The following SDCCAG8 variants were observed in gnomAD, a reference collection of about 807,000 sequenced individuals.
SDCCAG8 encodes serologically defined colon cancer antigen 8.
A neutral mutation model predicts 101.8 loss-of-function variants in SDCCAG8; 74 were observed. The observed-to-expected ratio is 0.73, with a 90% CI of 0.60 to 0.88. The LOEUF is 0.88. Ranked by LOEUF, SDCCAG8 falls within the 40% of genes least tolerant of loss-of-function variation. The pLI, the probability that SDCCAG8 is intolerant of heterozygous loss-of-function variation, is 0.00. For missense variants in SDCCAG8, 787 were observed against 822.6 expected, an observed-to-expected ratio of 0.96 and a Z score of 0.53; for synonymous variants, 281 against 292.9, an observed-to-expected ratio of 0.96 and a Z score of 0.41.
intron 9 of SDCCAG8, among the ~76,000 whole-genome samples, chr1:243,317,402 C>A (rs2073355387): frequency 6.7e-6 from 1 of 149,904 alleles, no homozygotes. Flanking sequence ...CTCACAGCAA[C>A]CTCTTCCTCC....
rs574456356 is a variant in SDCCAG8 at position 243,375,571 on chromosome 1, C to T, written c.1474-3150C>T. ...TTTGAGTTGTTCTGGTGGTTATAGTCATGACTTGAAAGATACCTTTTGATA... is the reference window on the plus strand; with the variant it reads ...TTTGAGTTGTTCTGGTGGTTATAGTTATGACTTGAAAGATACCTTTTGATA... On this transcript the variant is annotated intron_variant, in intron 12 of 17. Transcript: ENST00000366541. Among the ~76,000 whole-genome samples, 153 of 152,262 alleles carry T rather than the reference C, an allele frequency of 1.0e-3. 1 individual carries two copies. Among genetic ancestry groups the T allele is most frequent in the African/African-American group, 3.5e-3 (147 of 41,558 alleles).
chr1:243,452,414 CTTTTTTTTTTTT>C (rs71574667), intron 16 of SDCCAG8, among the ~76,000 whole-genome samples: 2 of 66,654 alleles, frequency 3.0e-5, no homozygotes, highest in African/African-American at 1.2e-4. Context: ...GATCTCATCT[CTTTTTTTTTTTT>C]TTTTTTTTTT....
intron 17 of SDCCAG8, among the ~76,000 whole-genome samples, chr1:243,492,854 A>G (rs1360241804): frequency 6.6e-6 from 1 of 151,912 alleles, no homozygotes; most frequent in Non-Finnish European, 1.5e-5. Context: ...TGATCTGCCC[A>G]CCTTGGCCTC....
chr1:243,376,184 C>T (rs1269418900), intron 12 of SDCCAG8, among the ~76,000 whole-genome samples: 1 of 152,140 alleles, frequency 6.6e-6, no homozygotes, highest in African/African-American at 2.4e-5. Flanking sequence ...TCTTGAAAGA[C>T]AGAGGGAAAA....
At chr1:243,261,317 T>C (rs1394111011) in intron 1 of SDCCAG8, among the ~76,000 whole-genome samples, 1 of 151,504 alleles carries the variant, frequency 6.6e-6, no homozygotes, top group East Asian at 1.9e-4. Flanking sequence ...CCATCAGCAC[T>C]TGTTTGGACC....
intron 16 of SDCCAG8, among the ~76,000 whole-genome samples, chr1:243,448,119 C>A (rs929533529): frequency 6.6e-6 from 1 of 152,244 alleles, no homozygotes; most frequent in South Asian, 2.1e-4. Context: ...TGCAGGCACC[C>A]GCATTGCTGA....
chr1:243,344,121 C>T lies in SDCCAG8; in HGVS notation c.1357-94C>T, dbSNP rs1448403098. 9.5e-6 allele frequency: 9 copies of T among 946,704 alleles called. No homozygotes were observed. The South Asian group carries it at 1.2e-4, about 12-fold the overall frequency. The allele number at this position is 946,704 out of a possible 1,614,324, so 58.6% of individuals were successfully genotyped here. On this transcript the variant is annotated intron_variant, in intron 11 of 17. Coordinates refer to ENST00000366541, the MANE Select transcript of SDCCAG8 (RefSeq NM_006642.5). ...TTAGAAAAGTTTTGTTGTATTTTAT[C>T]TATATGACCTCTAGGGGGCACCAAA... is the stretch of plus-strand genomic sequence containing the variant.
chr1:243,495,845 C>G (rs1332952152), intron 17 of SDCCAG8, among the ~76,000 whole-genome samples: 1 of 152,148 alleles, frequency 6.6e-6, no homozygotes, highest in African/African-American at 2.4e-5. Context: ...AGCTTAATTC[C>G]GTAGATATCA....
intron 12 of SDCCAG8, among the ~76,000 whole-genome samples, chr1:243,371,527 G>T (rs749358725): frequency 6.6e-6 from 1 of 152,054 alleles, no homozygotes; most frequent in African/African-American, 2.4e-5. Context: ...AGTGATAGCT[G>T]GTATCAGTGT....
chr1:243,270,030 C>T (rs891380524), intron 1 of SDCCAG8, 75 bp from the exon 2 acceptor site: 1 of 1,603,826 alleles, frequency 6.2e-7, no homozygotes, highest in African/African-American at 1.3e-5. Flanking sequence ...CCTTTAAAAA[C>T]TGCCTTCCTG....
chr1:243,479,950 G>C (rs1164680345), intron 16 of SDCCAG8, among the ~76,000 whole-genome samples: 1 of 138,298 alleles, frequency 7.2e-6, no homozygotes, highest in East Asian at 2.5e-4. Flanking sequence ...CAGAGTTGAT[G>C]GTTCAGGTCT....
At chr1:243,466,746 G>T (rs1056246504) in intron 16 of SDCCAG8, among the ~76,000 whole-genome samples, 4 of 152,226 alleles carry the variant, frequency 2.6e-5, no homozygotes, top group African/African-American at 2.4e-5. Context: ...AGGTCCTATC[G>T]AGAGTAGACA....
chr1:243,464,068 T>C (rs1659666336), intron 16 of SDCCAG8, among the ~76,000 whole-genome samples: 1 of 152,164 alleles, frequency 6.6e-6, no homozygotes. Context: ...TTGGATGAAA[T>C]GCTGTTCCTA....
At chr1:243,267,458 C>G (rs575378226) in intron 1 of SDCCAG8, 1 of 327,198 alleles carries the variant, frequency 3.1e-6, no homozygotes, top group Non-Finnish European at 5.9e-6. Flanking sequence ...CAGAATTAGC[C>G]GGGCGTGGTG....
At chr1:243,480,539 GGGTGGATGGA>G (rs1663376269) in intron 16 of SDCCAG8, among the ~76,000 whole-genome samples, 1 of 71,426 alleles carries the variant, frequency 1.4e-5, no homozygotes, top group African/African-American at 5.5e-5. Flanking sequence ...ATGGATGGAT[GGGTGGATGGA>G]TGGATGGATA....
intron 14 of SDCCAG8, 144 bp downstream of exon 14, chr1:243,415,973 A>G (rs925528697): frequency 3.2e-6 from 3 of 947,654 alleles, no homozygotes; most frequent in East Asian, 2.6e-5. Flanking sequence ...TCCGAATTAC[A>G]TATTAGTTAG....
At chr1:243,276,695 A>T (rs1464586607) in intron 4 of SDCCAG8, among the ~76,000 whole-genome samples, 1 of 152,188 alleles carries the variant, frequency 6.6e-6, no homozygotes, top group Non-Finnish European at 1.5e-5. Flanking sequence ...TATACATTCT[A>T]CGAATTTGAC....
intron 16 of SDCCAG8, among the ~76,000 whole-genome samples, chr1:243,437,533 T>C (rs1054958479): frequency 8.3e-5 from 11 of 131,750 alleles, no homozygotes; most frequent in Admixed American, 2.1e-4. Context: ...GAGGAATTCT[T>C]TTTTTTTTTT....
At chr1:243,313,939 G>A (rs1468408602) in intron 8 of SDCCAG8, among the ~76,000 whole-genome samples, 1 of 152,190 alleles carries the variant, frequency 6.6e-6, no homozygotes, top group Non-Finnish European at 1.5e-5. Flanking sequence ...ACAAGATGAA[G>A]CCAGATGGCC....
Sources: allele counts gnomAD v4.1 joint callset (sites outside exome capture counted in the v4.1 genomes callset), GRCh38; gene constraint gnomAD v4.1.1; transcripts MANE v1.5; gene names NCBI Gene and HGNC (gene_info 2026-07-23, HGNC 2026-07-21).